TNNI3K: variants seen among roughly 807,000 people sequenced by gnomAD.
The protein encoded by TNNI3K is TNNI3 interacting kinase.
A neutral mutation model predicts 114.5 loss-of-function variants in TNNI3K; 140 were observed. That is an observed-to-expected ratio of 1.22 (90% confidence interval 1.07 to 1.41). The LOEUF (loss-of-function observed/expected upper bound fraction) is 1.41. Ranked by LOEUF, TNNI3K falls within the 40% of genes most tolerant of loss-of-function variation. TNNI3K has a pLI of 0.00. For synonymous variants in TNNI3K, 347 were observed against 347.5 expected, an observed-to-expected ratio of 1.00 and a Z score of 0.02; for missense variants, 1,125 against 1,007.6, an observed-to-expected ratio of 1.12 and a Z score of -1.58.
At chr1:74,408,748 G>A (rs1330069118) in intron 17 of TNNI3K, among the ~76,000 whole-genome samples, 2 of 152,070 alleles carry the variant, frequency 1.3e-5, no homozygotes, top group Admixed American at 6.5e-5. Context: ...AAAAGTCCCT[G>A]CTTCAAATCC....
At chr1:74,498,727 T>C (rs72977490) in intron 23 of TNNI3K, among the ~76,000 whole-genome samples, 15,851 of 152,016 alleles carry the variant, frequency 0.1, 2,202 homozygotes, top group African/African-American at 0.32. Context: ...TTTCCAGTCT[T>C]CCCCCCGACT....
At chr1:74,319,659 C>T (rs1037305711) in intron 5 of TNNI3K, among the ~76,000 whole-genome samples, 1 of 152,156 alleles carries the variant, frequency 6.6e-6, no homozygotes, top group Non-Finnish European at 1.5e-5. Flanking sequence ...CAATGCTATT[C>T]TCCAAAAAGT....
intron 4 of TNNI3K, among the ~76,000 whole-genome samples, chr1:74,264,041 C>G (rs556816517): frequency 6.6e-6 from 1 of 151,418 alleles, no homozygotes; most frequent in East Asian, 1.9e-4. Context: ...AGGCAGCCTG[C>G]AGGAATAAAT....
intron 5 of TNNI3K, among the ~76,000 whole-genome samples, chr1:74,281,128 A>G (rs1197499966): frequency 6.6e-6 from 1 of 152,120 alleles, no homozygotes; most frequent in Non-Finnish European, 1.5e-5. Flanking sequence ...AGGATTCACC[A>G]CTTGCTGATT....
At chr1:74,543,842 A>G in intron 24 of TNNI3K, 64 bp from the exon 25 acceptor site, 15 of 1,599,164 alleles carry the variant, frequency 9.4e-6, no homozygotes, top group Non-Finnish European at 1.3e-5. Context: ...CAGGCTGGTT[A>G]TAAAAAATTG....
At chr1:74,399,031 C>G (rs1357701605) in intron 17 of TNNI3K, among the ~76,000 whole-genome samples, 2 of 151,666 alleles carry the variant, frequency 1.3e-5, no homozygotes, top group African/African-American at 4.9e-5. Flanking sequence ...TGGCGGGCGC[C>G]TGTAATCCCA....
At chr1:74,259,424 G>A (rs973943085) in intron 4 of TNNI3K, among the ~76,000 whole-genome samples, 2 of 152,098 alleles carry the variant, frequency 1.3e-5, no homozygotes, top group African/African-American at 4.8e-5. Context: ...TTCTATTCAG[G>A]CCTTCCAAAG....
rs567937968 is a variant in TNNI3K, at chr1:74,501,368, C to T, written c.2351+9102C>T. ...AGGAGAGTTTAAAAAAAGCTGTAGACCTGCTCCATACTTTTCTTCTTTTAT... is the reference window on the plus strand; with the variant it reads ...AGGAGAGTTTAAAAAAAGCTGTAGATCTGCTCCATACTTTTCTTCTTTTAT... On this transcript the variant is annotated intron_variant, in intron 23 of 24. Transcript: ENST00000326637. 3.9e-5 allele frequency among the ~76,000 whole-genome samples: 6 copies of T among 152,304 alleles called. No homozygotes were observed. In the East Asian group the frequency reaches 9.6e-4, roughly 24 times the overall value.
At chr1:74,429,149 T>C (rs963422190) in intron 17 of TNNI3K, among the ~76,000 whole-genome samples, 1 of 152,084 alleles carries the variant, frequency 6.6e-6, no homozygotes, top group East Asian at 1.9e-4. Context: ...GTCTCTGTTA[T>C]CCTGGGGCTC....
At chr1:74,256,819 A>G (rs1378514970) in intron 4 of TNNI3K, among the ~76,000 whole-genome samples, 1 of 152,124 alleles carries the variant, frequency 6.6e-6, no homozygotes, top group Admixed American at 6.5e-5. Context: ...TAAATATATT[A>G]TTAGAATTTT....
chr1:74,335,232 A>G (rs1416021994), intron 6 of TNNI3K, among the ~76,000 whole-genome samples: 1 of 152,150 alleles, frequency 6.6e-6, no homozygotes, highest in African/African-American at 2.4e-5. Context: ...GGTATAGATA[A>G]ATTAGCTAAT....
At chr1:74,334,132 C>T (rs536762537) in intron 6 of TNNI3K, among the ~76,000 whole-genome samples, 1 of 152,232 alleles carries the variant, frequency 6.6e-6, no homozygotes, top group East Asian at 1.9e-4. Flanking sequence ...ATTATTATTC[C>T]AACTTTAGCA....
At chr1:74,433,439 A>C (rs551665558) in intron 17 of TNNI3K, among the ~76,000 whole-genome samples, 2 of 152,244 alleles carry the variant, frequency 1.3e-5, no homozygotes, top group East Asian at 3.9e-4. Context: ...AAATGTGTGA[A>C]AGAATCTTAG....
chr1:74,400,948 T>C (rs1664328445), intron 17 of TNNI3K, among the ~76,000 whole-genome samples: 1 of 152,224 alleles, frequency 6.6e-6, no homozygotes, highest in Non-Finnish European at 1.5e-5. Flanking sequence ...CACCAAATAA[T>C]TTTAAGTCTA....
intron 21 of TNNI3K, among the ~76,000 whole-genome samples, chr1:74,473,442 T>G (rs1030237153): frequency 1.3e-5 from 2 of 152,124 alleles, no homozygotes; most frequent in Non-Finnish European, 2.9e-5. Flanking sequence ...GAGGAAGAAG[T>G]TTTTTATTCC....
intron 5 of TNNI3K, among the ~76,000 whole-genome samples, chr1:74,288,632 T>C (rs1657474691): frequency 6.6e-6 from 1 of 151,988 alleles, no homozygotes; most frequent in Non-Finnish European, 1.5e-5. Context: ...GAAACAGGGA[T>C]GCGTTGGTCA....
chr1:74,499,883 T>A (rs1669520088), intron 23 of TNNI3K, among the ~76,000 whole-genome samples: 1 of 152,158 alleles, frequency 6.6e-6, no homozygotes, highest in African/African-American at 2.4e-5. Context: ...TGATAAATAG[T>A]TACATCCATT....
chr1:74,245,431 T>G (rs912640535), intron 2 of TNNI3K, among the ~76,000 whole-genome samples: 1 of 152,302 alleles, frequency 6.6e-6, no homozygotes, highest in African/African-American at 2.4e-5. Context: ...TCTCGACCTC[T>G]TGAGGTCCAC....
At chr1:74,368,071 C>A in intron 13 of TNNI3K, 107 bp downstream of exon 13, 1 of 1,073,636 alleles carries the variant, frequency 9.3e-7, no homozygotes, top group South Asian at 1.9e-5. Context: ...GACTATTTTA[C>A]AAGCACAACA....
Sources: gnomAD v4.1 joint callset for allele counts (sites outside exome capture counted in the v4.1 genomes callset) on GRCh38, gnomAD v4.1.1 for gene constraint, MANE v1.5 for transcripts, NCBI Gene and HGNC (gene_info 2026-07-23, HGNC 2026-07-21) for gene names.